Variants in UBA2 observed in about 807,000 individuals in gnomAD.
The protein encoded by UBA2 is SUMO-activating enzyme subunit 2.
A neutral mutation model predicts 77.2 loss-of-function variants in UBA2; 11 were observed. The observed-to-expected ratio is 0.14, with a 90% CI of 0.09 to 0.24. The LOEUF is 0.24. UBA2 is among the 10% of genes least tolerant of loss of function. The probability of loss-of-function intolerance (pLI) is 1.00; values close to 1 mark genes in which losing one functional copy is unlikely to be tolerated. For missense variants in UBA2, 487 were observed against 781.7 expected, an observed-to-expected ratio of 0.62 and a Z score of 4.50; for synonymous variants, 278 against 276.7, an observed-to-expected ratio of 1.00 and a Z score of -0.05.
intron 6 of UBA2, among the ~76,000 whole-genome samples, chr19:34,439,802 A>G (rs1353828336): frequency 6.6e-6 from 1 of 152,156 alleles, no homozygotes; most frequent in Non-Finnish European, 1.5e-5. Context: ...CCTGGGTGAT[A>G]GTGAGATCCT....
At chr19:34,430,524 G>A (rs918181158) in intron 1 of UBA2, 52 bp from the exon 2 acceptor site, 9 of 1,412,002 alleles carry the variant, frequency 6.4e-6, no homozygotes, top group Admixed American at 3.4e-5. Flanking sequence ...TAGTGATACA[G>A]CTCAAACATA....
At chr19:34,432,044 CA>C in intron 3 of UBA2, 113 bp downstream of exon 3, 1 of 777,220 alleles carries the variant, frequency 1.3e-6, no homozygotes, top group Non-Finnish European at 2.0e-6. Flanking sequence ...AATTATTAAA[CA>C]GTGGTGGTTT....
intron 10 of UBA2, 32 bp downstream of exon 10, chr19:34,452,179 C>G: frequency 6.6e-7 from 1 of 1,524,516 alleles, no homozygotes; most frequent in Non-Finnish European, 8.9e-7. Context: ...CAAGTACTTA[C>G]ATGTCAAAAG....
chr19:34,434,982 T>G lies in UBA2; in HGVS notation c.459+14T>G, dbSNP rs543842037. On this transcript the variant is annotated intron_variant, in intron 5 of 16. Coordinates refer to ENST00000246548, the MANE Select transcript of UBA2 (RefSeq NM_005499.3). ...ACTATCAAAAAGGTAAAGAAAAGTT[T>G]TATTTTTTTAACTTCCCAAATATTT... 6 of 1,541,292 alleles carry G rather than the reference T, an allele frequency of 3.9e-6. No individual in the cohort carries two copies. In the Admixed American group the frequency reaches 7.5e-5, roughly 19 times the overall value.
intron 1 of UBA2, chr19:34,429,163 C>T: frequency 1.0e-6 from 1 of 985,036 alleles, no homozygotes; most frequent in South Asian, 4.7e-5. Flanking sequence ...TACCCTGGGT[C>T]ACGGAGCGAG....
At chr19:34,432,696 T>G (rs956066646) in intron 3 of UBA2, among the ~76,000 whole-genome samples, 5 of 152,134 alleles carry the variant, frequency 3.3e-5, no homozygotes, top group Non-Finnish European at 5.9e-5. Flanking sequence ...TAGTTGGGAT[T>G]ACAGGCGCAC....
intron 6 of UBA2, among the ~76,000 whole-genome samples, chr19:34,439,206 C>CAA (rs34519506): frequency 1.1e-4 from 10 of 87,084 alleles, no homozygotes; most frequent in South Asian, 4.1e-4. Context: ...GAATTTGTCT[C>CAA]AAAAAAAAAA....
chr19:34,468,752 C>CTCT (rs2145575618), intron 16 of UBA2, among the ~76,000 whole-genome samples: 1 of 152,320 alleles, frequency 6.6e-6, no homozygotes, highest in Non-Finnish European at 1.5e-5. Context: ...AATATGTACC[C>CTCT]TCTGCTTTTC....
At chr19:34,447,706 T>A (rs545700152) in intron 8 of UBA2, among the ~76,000 whole-genome samples, 145 of 152,310 alleles carry the variant, frequency 9.5e-4, no homozygotes, top group African/African-American at 3.4e-3. Context: ...AACAATAAAT[T>A]TCAGCTTCAG....
chr19:34,431,794 C>A, intron 2 of UBA2, 67 bp from the exon 3 acceptor site: 1 of 1,419,370 alleles, frequency 7.0e-7, no homozygotes, highest in Non-Finnish European at 1.0e-6. Flanking sequence ...AGCATTGTGG[C>A]TTCCAGAAGC....
At position 34,438,772 on chromosome 19, in the gene UBA2, A is replaced by G. The variant is rs759324387; in HGVS notation, c.581+6A>G. ...TGGGCAAAGTACTTGTTCAAGTAAG[A>G]GTGTATATTTCTTGGCATGCTTTTC... On this transcript the variant is annotated splice_donor_region_variant and intron_variant, in intron 6 of 16. Coordinates refer to ENST00000246548, the MANE Select transcript of UBA2 (RefSeq NM_005499.3). 1.2e-6 allele frequency: 2 copies of G among 1,612,942 alleles called. No individual in the cohort carries two copies. Among genetic ancestry groups the G allele is most frequent in the Non-Finnish European group, 1.7e-6 (2 of 1,179,682 alleles).
Position 34,469,156 on chromosome 19 carries a change from C to T in UBA2, c.1858C>T (p.Leu620Phe), listed in dbSNP as rs1166894065. Residue 620 changes from leucine to phenylalanine, a missense_variant, in exon 17 of 17, where the codon CTC (leucine) becomes TTC (phenylalanine). Physicochemically the swap from Leu to Phe is conservative, Grantham distance 22. Around this residue, in one of 9 missense-constraint regions of UBA2, gnomAD observed 12 missense variants for 35.3 expected, o/e 0.34. Transcript: ENST00000246548. ...GAGGAAATTAGATGAGAAAGAGAAT[C>T]TCAGTGCAAAGAGGTCACGTATAGA... ...RKRKLDEKEN[L>F]SAKRSRIEQK... 1.2e-6 allele frequency: 2 copies of T among 1,613,486 alleles called. No homozygotes were observed. The highest frequency in any genetic ancestry group is 1.7e-6 in the Non-Finnish European group (2 of 1,179,754).
intron 15 of UBA2, 106 bp from the exon 16 acceptor site, chr19:34,466,772 A>G: frequency 2.5e-6 from 2 of 802,174 alleles, no homozygotes; most frequent in Non-Finnish European, 3.8e-6. Flanking sequence ...TAGAATCCAC[A>G]TATTTGGTGT....
intron 8 of UBA2, among the ~76,000 whole-genome samples, chr19:34,448,460 G>A (rs1195584969): frequency 1.3e-5 from 2 of 152,056 alleles, no homozygotes; most frequent in Non-Finnish European, 2.9e-5. Context: ...CAGCCATGGT[G>A]GCCTGAGCCT....
In UBA2 at chr19:34,454,565, TTC is replaced by T. The variant is rs754414395; in HGVS notation, c.1245+11_1245+12del. 10 of 1,434,770 alleles carry T rather than the reference TTC, an allele frequency of 7.0e-6. No homozygotes were observed. The highest frequency in any genetic ancestry group is 4.6e-5 in the Admixed American group (2 of 43,400). 88.9% of individuals were successfully genotyped at this position (1,434,770 alleles called of 1,614,324 possible). On this transcript the variant is annotated intron_variant, in intron 12 of 16. Coordinates refer to ENST00000246548, the MANE Select transcript of UBA2 (RefSeq NM_005499.3). ...TAGACCAGTGCAGAACAGTGAGTATTTCTGTTTGCATTTTTATGCAACCCCCC... is the reference window on the plus strand; with the variant it reads ...TAGACCAGTGCAGAACAGTGAGTATTTGTTTGCATTTTTATGCAACCCCCC...
intron 6 of UBA2, among the ~76,000 whole-genome samples, 169 bp from the exon 7 acceptor site, chr19:34,443,675 T>A (rs1166416321): frequency 6.6e-6 from 1 of 152,060 alleles, no homozygotes; most frequent in African/African-American, 2.4e-5. Context: ...CTCCTGACTT[T>A]GTGATCTGCC....
chr19:34,441,186 T>C (rs565448384), intron 6 of UBA2, among the ~76,000 whole-genome samples: 1 of 152,280 alleles, frequency 6.6e-6, no homozygotes, highest in Admixed American at 6.5e-5. Context: ...CCGGGCGAGG[T>C]GGCTCACGCC....
chr19:34,450,255 C>G lies in UBA2; in HGVS notation c.772-10C>G, dbSNP rs1022468039. On this transcript the variant is annotated splice_polypyrimidine_tract_variant and intron_variant, in intron 8 of 16. Coordinates refer to ENST00000246548, the MANE Select transcript of UBA2 (RefSeq NM_005499.3). ...TATGGGGTTCATGGGATCTGTCTTTCTTTTGTAAGCTTTTTAAAGATGACA... is the reference window on the plus strand; with the variant it reads ...TATGGGGTTCATGGGATCTGTCTTTGTTTTGTAAGCTTTTTAAAGATGACA... The G allele has an allele frequency of 6.3e-7, 1 of 1,597,774 alleles. No homozygotes were observed. Among genetic ancestry groups the G allele is most frequent in the Non-Finnish European group, 8.5e-7 (1 of 1,171,420 alleles).
intron 4 of UBA2, among the ~76,000 whole-genome samples, chr19:34,433,946 C>T (rs186769622): frequency 1.5e-4 from 23 of 151,988 alleles, no homozygotes; most frequent in Middle Eastern, 3.4e-3. Context: ...TGACAGAGTG[C>T]GACCCTGTCT....
Sources: allele counts gnomAD v4.1 joint callset (sites outside exome capture counted in the v4.1 genomes callset), GRCh38; gene constraint gnomAD v4.1.1; regional missense constraint gnomAD v4.1.1; transcripts MANE v1.5; gene names NCBI Gene and HGNC (gene_info 2026-07-23, HGNC 2026-07-21).